The following HNRNPH1 variants were observed in gnomAD, a reference collection of about 807,000 sequenced individuals.
The protein encoded by HNRNPH1 is heterogeneous nuclear ribonucleoprotein H.
A neutral mutation model predicts 58.6 loss-of-function variants in HNRNPH1; 4 were observed. The observed-to-expected ratio is 0.07, with a 90% CI of 0.03 to 0.16. The LOEUF (loss-of-function observed/expected upper bound fraction) is 0.16, where lower values mean the gene tolerates loss of function less well. Among genes scored for constraint, HNRNPH1 ranks in the 10% least tolerant of loss-of-function variants. The probability of loss-of-function intolerance (pLI) is 1.00; values close to 1 mark genes in which losing one functional copy is unlikely to be tolerated. For synonymous variants in HNRNPH1, 192 were observed against 189.2 expected, an observed-to-expected ratio of 1.01 and a Z score of -0.12; for missense variants, 271 against 564.2, an observed-to-expected ratio of 0.48 and a Z score of 5.26.
intron 4 of HNRNPH1, chr5:179,618,575 G>C (rs955564220): frequency 5.8e-6 from 2 of 345,480 alleles, no homozygotes; most frequent in African/African-American, 2.1e-5. Flanking sequence ...TAGGGGTAGA[G>C]AGGAGTACTG....
At chr5:179,629,258 T>G (rs773891965), upstream of HNRNPH1, 1 of 148,170 alleles carries the variant, frequency 6.7e-6, no homozygotes. Flanking sequence ...GATCGCGCCA[T>G]TGCACTCCAG....
upstream of HNRNPH1, among the ~76,000 whole-genome samples, chr5:179,625,502 A>T (rs1471365920): frequency 6.6e-6 from 1 of 151,064 alleles, no homozygotes; most frequent in Non-Finnish European, 1.5e-5. Flanking sequence ...AAAAAAAAAA[A>T]AAAAAATTAG....
intron 4 of HNRNPH1, chr5:179,618,641 T>C: frequency 4.7e-6 from 1 of 211,568 alleles, no homozygotes. Context: ...ATTTCAAGTC[T>C]TAAATCCATT....
intron 1 of HNRNPH1, chr5:179,621,849 G>C (rs1236469851): frequency 2.3e-6 from 1 of 437,644 alleles, no homozygotes; most frequent in South Asian, 1.6e-5. Flanking sequence ...TCACCTGAAA[G>C]GGGATCAGTG....
upstream of HNRNPH1, chr5:179,629,559 A>G (rs567506848): frequency 8.6e-5 from 13 of 150,432 alleles, no homozygotes; most frequent in African/African-American, 3.2e-4. Context: ...TGCTGGGATT[A>G]CAGGCATGAG....
intron 10 of HNRNPH1, 63 bp downstream of exon 11, chr5:179,616,806 A>C: frequency 7.6e-7 from 1 of 1,313,390 alleles, no homozygotes; most frequent in Admixed American, 1.9e-5. Context: ...AGATTAACTT[A>C]ACTTATAATT....
chr5:179,615,314 A>C (rs1248987611), intron 12 of HNRNPH1: 2 of 471,874 alleles, frequency 4.2e-6, no homozygotes, highest in African/African-American at 2.0e-5. Flanking sequence ...AAACATTCAC[A>C]ATGTGTCCCT....
At chr5:179,626,521 GC>G (rs1409917123), upstream of HNRNPH1, among the ~76,000 whole-genome samples, 1 of 151,346 alleles carries the variant, frequency 6.6e-6, no homozygotes, top group Non-Finnish European at 1.5e-5. Flanking sequence ...TTAGAGACCA[GC>G]CTGACCAACA....
At chr5:179,614,911 G>C in exon 13 of HNRNPH1, 1 of 1,549,870 alleles carries the variant, frequency 6.5e-7, no homozygotes, top group Non-Finnish European at 8.7e-7. Context: ...GCCCATAGAT[G>C]CACGGCTTCC....
exon 8 of HNRNPH1, chr5:179,617,573 A>C: frequency 6.2e-7 from 1 of 1,614,196 alleles, no homozygotes; most frequent in Non-Finnish European, 8.5e-7. Context: ...TGCGAACTCG[A>C]CATCTGCTTC....
intron 10 of HNRNPH1, 139 bp downstream of exon 11, chr5:179,616,730 A>G: frequency 7.0e-6 from 5 of 715,240 alleles, no homozygotes; most frequent in Non-Finnish European, 9.4e-6. Flanking sequence ...AGTAAGCCAG[A>G]TACAAAACTC....
rs1412501889 is a variant in HNRNPH1, at chr5:179,615,024, A to AT, written c.*1-66dup. On this transcript the variant is annotated intron_variant, in intron 12 of 12. Transcript: ENST00000356731. ...GACTACCAGTCAAATAAAATATAGT[A>AT]TTCCAAGAAAAAGTTTAAAAAGTAT... 11 of 1,008,814 alleles carry AT rather than the reference A, an allele frequency of 1.1e-5. No homozygotes were observed. In the African/African-American group the frequency reaches 1.8e-4, roughly 16 times the overall value. 62.5% of individuals were successfully genotyped at this position (1,008,814 alleles called of 1,614,324 possible).
rs1228975192 is a variant in HNRNPH1, at chr5:179,615,530, T to C, written c.*16A>G. ...ATTTGCTATTGGGAATTTATATTTT[T>C]TGAGAAAATATTTACCTATGCAATG... On this transcript the variant is annotated intron_variant, in intron 12 of 12. Coordinates refer to ENST00000356731, the Ensembl canonical transcript of HNRNPH1. 2 of 1,375,394 alleles carry C rather than the reference T, an allele frequency of 1.5e-6. No homozygotes were observed. Among genetic ancestry groups the C allele is most frequent in the Admixed American group, 1.8e-5 (1 of 55,262 alleles). 85.2% of individuals were successfully genotyped at this position (1,375,394 alleles called of 1,614,324 possible).
chr5:179,618,131 G>C lies in HNRNPH1; in HGVS notation c.715+14C>G. 6.2e-7 allele frequency: 1 copy of C among 1,613,362 alleles called. No homozygotes were observed. The highest frequency in any genetic ancestry group is 8.5e-7 in the Non-Finnish European group (1 of 1,179,658). On this transcript the variant is annotated intron_variant, in intron 5 of 12. Coordinates refer to ENST00000356731, the Ensembl canonical transcript of HNRNPH1. ...GAACAGACGACTTGCCGAACCTTAC[G>C]AATCCTCACGTACCTCCACCATAAG...
rs147463015 is a variant in HNRNPH1, at chr5:179,631,190, G to A, written c.-32+2875C>T. The stretch of plus-strand genomic sequence containing the variant: ...CATAATGGTTTGTTGCCTTCCAAAG[G>A]GCCACAGGACATGAAAAGATATACG... On this transcript the variant is annotated intron_variant, in intron 2 of 4. Transcript: ENST00000521116. Among the ~76,000 whole-genome samples the A allele has an allele frequency of 2.0e-4, 30 of 150,980 alleles. 1 individual carries two copies. The East Asian group carries it at 4.9e-3, about 24-fold the overall frequency.
At chr5:179,618,350 T>TAGGG in intron 4 of HNRNPH1, 27 bp from the exon 6 acceptor site, 2 of 1,530,980 alleles carry the variant, frequency 1.3e-6, no homozygotes, top group Non-Finnish European at 1.8e-6. Context: ...AAGGAAGGGG[T>TAGGG]AGGGAGGGGA....
intron 1 of HNRNPH1, among the ~76,000 whole-genome samples, chr5:179,622,660 G>A (rs1442800185): frequency 1.3e-5 from 2 of 152,130 alleles, no homozygotes; most frequent in African/African-American, 4.8e-5. Context: ...GCAGTGAGCC[G>A]AGAACGCGCC....
At chr5:179,632,260 A>G (rs1041385776) in intron 2 of HNRNPH1, among the ~76,000 whole-genome samples, 1 of 151,224 alleles carries the variant, frequency 6.6e-6, no homozygotes, top group African/African-American at 2.4e-5. Context: ...GTGAGCCAAG[A>G]TCCCGCCACC....
chr5:179,620,475 C>G (rs1771813073), intron 3 of HNRNPH1, among the ~76,000 whole-genome samples: 1 of 152,216 alleles, frequency 6.6e-6, no homozygotes, highest in Non-Finnish European at 1.5e-5. Context: ...CCATTAGATG[C>G]TTCTGGTCAC....
Sources: allele counts gnomAD v4.1 joint callset (sites outside exome capture counted in the v4.1 genomes callset), GRCh38; gene constraint gnomAD v4.1.1; transcripts MANE v1.5; gene names NCBI Gene and HGNC (gene_info 2026-07-23, HGNC 2026-07-21).